The following RABGEF1 variants were observed in gnomAD, a reference collection of about 807,000 sequenced individuals.
RABGEF1 encodes the protein RAB guanine nucleotide exchange factor 1.
A neutral mutation model predicts 57.3 loss-of-function variants in RABGEF1; 26 were observed. The observed-to-expected ratio is 0.45, with a 90% CI of 0.33 to 0.63. The LOEUF (loss-of-function observed/expected upper bound fraction) is 0.63, where lower values mean the gene tolerates loss of function less well. RABGEF1 is among the 20% of genes least tolerant of loss of function. The pLI, the probability that RABGEF1 is intolerant of heterozygous loss-of-function variation, is 0.02. For synonymous variants in RABGEF1, 185 were observed against 210.7 expected, an observed-to-expected ratio of 0.88 and a Z score of 1.06; for missense variants, 464 against 607.6, an observed-to-expected ratio of 0.76 and a Z score of 2.48.
At chr7:66,735,813 C>G (rs1423332784), upstream of RABGEF1, among the ~76,000 whole-genome samples, 1 of 152,162 alleles carries the variant, frequency 6.6e-6, no homozygotes, top group Non-Finnish European at 1.5e-5. Context: ...GAAGCGTGAG[C>G]CAATTAAACC....
chr7:66,710,949 C>CCTA (rs1232723851), intron 1 of RABGEF1, among the ~76,000 whole-genome samples: 1 of 151,670 alleles, frequency 6.6e-6, no homozygotes, highest in Non-Finnish European at 1.5e-5. Flanking sequence ...TTGAGACCAG[C>CCTA]CTGGGCAACA....
At position 66,797,357 on chromosome 7, in the gene RABGEF1, C is replaced by G; in HGVS notation, c.596-17C>G. The G allele has an allele frequency of 6.4e-7, 1 of 1,569,612 alleles. No homozygotes were observed. On this transcript the variant is annotated splice_polypyrimidine_tract_variant and intron_variant, in intron 5 of 8. Coordinates refer to ENST00000284957, the MANE Select transcript of RABGEF1 (RefSeq NM_014504.3). ...AAATATATATATCTTGATCTTTTCTCTGTCTGGTTATTTCAGTGCCTCCAG... is the reference window on the plus strand; with the variant it reads ...AAATATATATATCTTGATCTTTTCTGTGTCTGGTTATTTCAGTGCCTCCAG...
chr7:66,744,585 G>A (rs1258805275), intron 1 of RABGEF1, among the ~76,000 whole-genome samples: 2 of 150,374 alleles, frequency 1.3e-5, no homozygotes, highest in East Asian at 2.0e-4. Flanking sequence ...GGAGAATGGC[G>A]TGAACCTGGG....
At chr7:66,720,841 G>A (rs1294119863) in intron 2 of RABGEF1, among the ~76,000 whole-genome samples, 2 of 152,190 alleles carry the variant, frequency 1.3e-5, no homozygotes, top group Admixed American at 1.3e-4. Context: ...TAAGTTAGCA[G>A]AACCAAGTGT....
chr7:66,758,075 T>C (rs1803234301), intron 1 of RABGEF1, among the ~76,000 whole-genome samples: 1 of 152,180 alleles, frequency 6.6e-6, no homozygotes, highest in Admixed American at 6.5e-5. Flanking sequence ...TAGAATTGAT[T>C]GGATGTTTCC....
chr7:66,768,059 T>C (rs1221918286), intron 1 of RABGEF1, among the ~76,000 whole-genome samples: 1 of 152,242 alleles, frequency 6.6e-6, no homozygotes, highest in African/African-American at 2.4e-5. Context: ...ATCACAAATA[T>C]TGCTACTATA....
chr7:66,684,442 CAAACA>C (rs540424952), intron 1 of RABGEF1, among the ~76,000 whole-genome samples: 10 of 152,006 alleles, frequency 6.6e-5, no homozygotes, highest in South Asian at 6.2e-4. Context: ...GACTTCGTCT[CAAACA>C]AAACAAAACA....
chr7:66,695,624 G>A (rs1178622784), intron 1 of RABGEF1, among the ~76,000 whole-genome samples: 1 of 152,124 alleles, frequency 6.6e-6, no homozygotes, highest in Non-Finnish European at 1.5e-5. Context: ...GATTAGAAGT[G>A]TAGATGACTG....
chr7:66,729,291 C>T (rs779252122), intron 2 of RABGEF1, among the ~76,000 whole-genome samples: 2 of 105,484 alleles, frequency 1.9e-5, no homozygotes, highest in Non-Finnish European at 4.0e-5. Context: ...TCATCCTCCC[C>T]TCCATCCTCC....
chr7:66,754,083 AC>A (rs1802130902), intron 1 of RABGEF1, among the ~76,000 whole-genome samples: 1 of 148,804 alleles, frequency 6.7e-6, no homozygotes, highest in Non-Finnish European at 1.5e-5. Flanking sequence ...GCTTACTGCA[AC>A]GGCTGCTTCC....
At chr7:66,723,418 G>A (rs1385304154) in intron 2 of RABGEF1, among the ~76,000 whole-genome samples, 2 of 152,138 alleles carry the variant, frequency 1.3e-5, no homozygotes, top group African/African-American at 4.8e-5. Flanking sequence ...CTTACGTTGC[G>A]TTTAACACTT....
At chr7:66,779,780 G>T (rs1809439984) in intron 3 of RABGEF1, among the ~76,000 whole-genome samples, 1 of 151,662 alleles carries the variant, frequency 6.6e-6, no homozygotes, top group Non-Finnish European at 1.5e-5. Flanking sequence ...GGATGAGGTT[G>T]TTCTTTTCCA....
At chr7:66,794,467 G>C (rs1260270277) in intron 4 of RABGEF1, among the ~76,000 whole-genome samples, 1 of 151,790 alleles carries the variant, frequency 6.6e-6, no homozygotes, top group Non-Finnish European at 1.5e-5. Flanking sequence ...CTAGTCTCTT[G>C]TGCTGAACTG....
chr7:66,702,822 T>G (rs972897622), intron 1 of RABGEF1, among the ~76,000 whole-genome samples: 1 of 152,190 alleles, frequency 6.6e-6, no homozygotes, highest in Non-Finnish European at 1.5e-5. Context: ...TTCATTGGGT[T>G]GTTTGTCTTT....
chr7:66,756,125 A>C, intron 1 of RABGEF1: 3 of 1,182,068 alleles, frequency 2.5e-6, no homozygotes, highest in Non-Finnish European at 3.4e-6. Context: ...ATCAAAAGAA[A>C]ATAGTAATGA....
At chr7:66,728,514 C>A (rs551693702) in intron 2 of RABGEF1, among the ~76,000 whole-genome samples, 1 of 152,282 alleles carries the variant, frequency 6.6e-6, no homozygotes, top group South Asian at 2.1e-4. Flanking sequence ...AATGGCATTC[C>A]CATTTCACCA....
At chr7:66,736,020 C>A (rs1797903614), upstream of RABGEF1, among the ~76,000 whole-genome samples, 1 of 152,124 alleles carries the variant, frequency 6.6e-6, no homozygotes, top group East Asian at 1.9e-4. Context: ...TCCACTGTCA[C>A]AACTTGTATT....
intron 5 of RABGEF1, among the ~76,000 whole-genome samples, chr7:66,796,238 TA>T (rs138809530): frequency 6.7e-5 from 10 of 149,656 alleles, no homozygotes; most frequent in East Asian, 2.0e-4. Flanking sequence ...ATTAATAGTT[TA>T]AAAAAAAAAG....
intron 4 of RABGEF1, among the ~76,000 whole-genome samples, chr7:66,790,407 C>T (rs1032082915): frequency 6.6e-6 from 1 of 152,140 alleles, no homozygotes; most frequent in Non-Finnish European, 1.5e-5. Flanking sequence ...AGGCATATCT[C>T]ACACATGAAA....
Sources: gnomAD v4.1 joint callset for allele counts (sites outside exome capture counted in the v4.1 genomes callset) on GRCh38, gnomAD v4.1.1 for gene constraint, MANE v1.5 for transcripts, NCBI Gene and HGNC (gene_info 2026-07-23, HGNC 2026-07-21) for gene names.